The following GRIA1 variants were observed in gnomAD, a reference collection of about 807,000 sequenced individuals.
The protein encoded by GRIA1 is glutamate receptor 1.
A neutral mutation model predicts 99.2 loss-of-function variants in GRIA1; 31 were observed. The observed-to-expected ratio is 0.31, with a 90% CI of 0.23 to 0.42. GRIA1 has a LOEUF of 0.42. GRIA1 is among the 10% of genes least tolerant of loss of function. The pLI, the probability that GRIA1 is intolerant of heterozygous loss-of-function variation, is 1.00. For missense variants in GRIA1, 782 were observed against 1,157.5 expected (o/e 0.68, Z 4.71); for synonymous variants, 438 against 432.4 (o/e 1.01, Z -0.16).
chr5:153,711,167 A>AT (rs1561790829), intron 11 of GRIA1, among the ~76,000 whole-genome samples: 1 of 152,164 alleles, frequency 6.6e-6, no homozygotes, highest in Non-Finnish European at 1.5e-5. Flanking sequence ...TTGATGTTTT[A>AT]TTTTAAATGC....
intron 11 of GRIA1, among the ~76,000 whole-genome samples, chr5:153,762,058 A>G (rs1763221954): frequency 6.6e-6 from 1 of 152,204 alleles, no homozygotes. Context: ...GAACAGGTGC[A>G]AAGGCACAGT....
chr5:153,670,540 T>C lies in GRIA1; in HGVS notation c.700-3960T>C, dbSNP rs566815713. On this transcript the variant is annotated intron_variant, in intron 5 of 15. Transcript: ENST00000285900. ...CAAAGTGGCTCAAAGAGAGTAGTAATCAAACTTCGTAGTTAAAATTTTTAA... is the reference window on the plus strand; with the variant it reads ...CAAAGTGGCTCAAAGAGAGTAGTAACCAAACTTCGTAGTTAAAATTTTTAA... Among the ~76,000 whole-genome samples, 9 of 152,044 alleles carry C rather than the reference T, an allele frequency of 5.9e-5. No individual in the cohort carries two copies. The South Asian group carries it at 1.9e-3, about 31-fold the overall frequency.
intron 2 of GRIA1, among the ~76,000 whole-genome samples, chr5:153,594,133 C>G (rs995200921): frequency 1.3e-5 from 2 of 152,146 alleles, no homozygotes. Flanking sequence ...TTCTCCTCCT[C>G]CAGAAGCTGT....
At chr5:153,619,504 G>C (rs1323936696) in intron 2 of GRIA1, among the ~76,000 whole-genome samples, 1 of 152,092 alleles carries the variant, frequency 6.6e-6, no homozygotes. Flanking sequence ...AGGATAATCA[G>C]GCAGTGACAT....
intron 5 of GRIA1, 39 bp from the exon 6 acceptor site, chr5:153,674,461 G>A: frequency 1.9e-6 from 3 of 1,610,884 alleles, no homozygotes; most frequent in East Asian, 2.2e-5. Context: ...ATTTATCCAG[G>A]CAGCATGTTC....
intron 11 of GRIA1, among the ~76,000 whole-genome samples, chr5:153,732,213 C>T (rs181952612): frequency 1.2e-4 from 18 of 152,154 alleles, no homozygotes; most frequent in Admixed American, 1.1e-3. Flanking sequence ...TTGTGAGATG[C>T]TGATTTTATT....
At chr5:153,608,262 C>G (rs2149405882) in intron 2 of GRIA1, among the ~76,000 whole-genome samples, 1 of 152,174 alleles carries the variant, frequency 6.6e-6, no homozygotes, top group South Asian at 2.1e-4. Context: ...CATTTGGGTA[C>G]ATTGGACTTC....
At chr5:153,701,619 C>CAAAAAAAAAAAAAAAAAAAAAA (rs70978504) in intron 10 of GRIA1, among the ~76,000 whole-genome samples, 443 of 39,362 alleles carry the variant, frequency 0.011, 89 homozygotes, top group Middle Eastern at 0.043. Flanking sequence ...AGACCCGTCT[C>CAAAAAAAAAAAAAAAAAAAAAA]AAAAAAAAAA....
intron 2 of GRIA1, among the ~76,000 whole-genome samples, chr5:153,575,197 A>AAAGAGAGAGAG (rs139494101): frequency 6.8e-6 from 1 of 147,660 alleles, no homozygotes; most frequent in African/African-American, 2.5e-5. Context: ...TCAAGAGAGA[A>AAAGAGAGAGAG]AGAGAGAGAG....
intron 2 of GRIA1, among the ~76,000 whole-genome samples, chr5:153,572,858 G>A (rs1300454957): frequency 2.0e-5 from 3 of 152,192 alleles, no homozygotes; most frequent in Admixed American, 6.5e-5. Context: ...GCTCTAGGCT[G>A]AGCGCATTCT....
rs1274035674 is a variant in GRIA1 at position 153,674,511 on chromosome 5, C to T, written c.711C>T (p.Asp237=). The T allele has an allele frequency of 3.7e-6, 6 of 1,614,106 alleles. No homozygotes were observed. The highest frequency in any genetic ancestry group is 3.3e-5 in the South Asian group (3 of 91,078). ...HYILANLGFM[D]IDLNKFKESG... is the part of the protein sequence containing the mutation. ...TCCCCCTCTCACAGGGCTTCATGGA[C>T]ATTGACTTAAACAAATTCAAGGAGA... Residue 237 remains aspartate (D), a synonymous_variant, in exon 6 of 16, where the codon GAC becomes GAT. Transcript: ENST00000285900.
intron 2 of GRIA1, among the ~76,000 whole-genome samples, chr5:153,608,965 C>T (rs1387092743): frequency 6.6e-6 from 1 of 152,160 alleles, no homozygotes; most frequent in African/African-American, 2.4e-5. Flanking sequence ...TTTGAAGCTA[C>T]ACTGCAACCC....
intron 2 of GRIA1, among the ~76,000 whole-genome samples, chr5:153,545,209 C>G (rs542334903): frequency 6.6e-6 from 1 of 152,058 alleles, no homozygotes; most frequent in Non-Finnish European, 1.5e-5. Flanking sequence ...AGGGTCCAGG[C>G]TCATCGGAGA....
chr5:153,698,635 A>G (rs1758292269), intron 9 of GRIA1, among the ~76,000 whole-genome samples: 1 of 152,326 alleles, frequency 6.6e-6, no homozygotes, highest in South Asian at 2.1e-4. Context: ...ATAATTTGAA[A>G]AGCTGTATGC....
intron 2 of GRIA1, among the ~76,000 whole-genome samples, chr5:153,626,532 G>A (rs914751698): frequency 5.9e-5 from 9 of 151,490 alleles, no homozygotes; most frequent in Non-Finnish European, 1.3e-4. Flanking sequence ...ATTCTCATCA[G>A]CATTTGAGTT....
At position 153,650,425 on chromosome 5, in the gene GRIA1, C is replaced by A. The variant is rs748631549; in HGVS notation, c.556C>A (p.Arg186=). 1.2e-6 allele frequency: 2 copies of A among 1,613,914 alleles called. No homozygotes were observed. The highest frequency in any genetic ancestry group is 1.7e-6 in the Non-Finnish European group (2 of 1,179,910). ...NILTTTEEGY[R]MLFQDLEKKK... Reference sequence around the variant, plus strand: ...TTTGACAACCACAGAGGAGGGATACCGGATGCTCTTTCAGGACCTGGAGAA... The same window carrying A: ...TTTGACAACCACAGAGGAGGGATACAGGATGCTCTTTCAGGACCTGGAGAA... The change falls in exon 4 of 16, where the codon CGG becomes AGG. Residue 186 remains arginine (R), a synonymous_variant. Transcript: ENST00000285900.
intron 2 of GRIA1, among the ~76,000 whole-genome samples, chr5:153,616,538 T>C (rs1248173904): frequency 6.6e-6 from 1 of 152,104 alleles, no homozygotes; most frequent in East Asian, 1.9e-4. Flanking sequence ...TGTTGGGACA[T>C]ATTCAAAGCC....
chr5:153,683,756 T>C (rs10042081), intron 7 of GRIA1, among the ~76,000 whole-genome samples: 25,802 of 152,226 alleles, frequency 0.17, 2,471 homozygotes, highest in African/African-American at 0.25. Context: ...GTAGTAGTAG[T>C]CGTCATTATC....
chr5:153,621,368 A>C (rs1325739411), intron 2 of GRIA1, among the ~76,000 whole-genome samples: 2 of 152,158 alleles, frequency 1.3e-5, no homozygotes, highest in East Asian at 3.9e-4. Context: ...TGGGGAGGTA[A>C]AGATGGCAGT....
Sources: allele counts gnomAD v4.1 joint callset (sites outside exome capture counted in the v4.1 genomes callset), GRCh38; gene constraint gnomAD v4.1.1; transcripts MANE v1.5; gene names NCBI Gene and HGNC (gene_info 2026-07-23, HGNC 2026-07-21).